Variants in CALN1 observed in about 807,000 individuals in gnomAD.
CALN1 encodes the protein calneuron 1, also known as calcium-binding protein 8.
CALN1 carries 17 observed loss-of-function variants against 30.6 expected under a neutral mutation model. That is an observed-to-expected ratio of 0.56 (90% confidence interval 0.38 to 0.83). The LOEUF is 0.83. Ranked by LOEUF, CALN1 falls within the 40% of genes least tolerant of loss-of-function variation. CALN1 has a pLI of 0.00. For missense variants in CALN1, 291 were observed against 354.9 expected, an observed-to-expected ratio of 0.82 and a Z score of 1.45; for synonymous variants, 156 against 131.4, an observed-to-expected ratio of 1.19 and a Z score of -1.28.
chr7:72,126,430 A>T (rs1808769857), intron 3 of CALN1, among the ~76,000 whole-genome samples: 1 of 81,732 alleles, frequency 1.2e-5, no homozygotes, highest in African/African-American at 3.7e-5. Context: ...GTTGGCTGCT[A>T]TAAACATGTG....
intron 5 of CALN1, among the ~76,000 whole-genome samples, chr7:71,976,870 C>A (rs1584658998): frequency 6.6e-6 from 1 of 152,182 alleles, no homozygotes; most frequent in Admixed American, 6.5e-5. Flanking sequence ...CTGTTTCAGA[C>A]TAACTCCCCC....
intron 3 of CALN1, among the ~76,000 whole-genome samples, chr7:72,208,505 T>C (rs1032295765): frequency 1.3e-5 from 2 of 152,210 alleles, no homozygotes; most frequent in East Asian, 3.8e-4. Flanking sequence ...GAAAACCACA[T>C]GGATATGCCT....
At position 72,135,960 on chromosome 7, in the gene CALN1, C is replaced by G. The variant is rs1809481079; in HGVS notation, c.245-29666G>C. Among the ~76,000 whole-genome samples the G allele has an allele frequency of 3.3e-5, 5 of 151,852 alleles. No homozygotes were observed. In the South Asian group the frequency reaches 1.0e-3, roughly 32 times the overall value. ...CCAGCCTGGTCAACATAGTAAAACC[C>G]CATCTCTACTAAAACTACAAAAATA... On this transcript the variant is annotated intron_variant, in intron 3 of 6. Transcript: ENST00000395275.
intron 3 of CALN1, among the ~76,000 whole-genome samples, chr7:72,110,989 C>G (rs1283884124): frequency 6.6e-6 from 1 of 152,140 alleles, no homozygotes; most frequent in East Asian, 1.9e-4. Context: ...GACCACAGAT[C>G]AAGTTTTCAA....
chr7:72,023,587 A>G, intron 5 of CALN1, 70 bp downstream of exon 5: 1 of 1,147,432 alleles, frequency 8.7e-7, no homozygotes. Flanking sequence ...AAGTTCAAGA[A>G]TTCAGTCAAA....
intron 5 of CALN1, among the ~76,000 whole-genome samples, chr7:71,973,939 C>T (rs1797974992): frequency 6.6e-6 from 1 of 152,058 alleles, no homozygotes. Context: ...TTTCAATTAC[C>T]TTCGATATAC....
chr7:72,032,160 G>A (rs844678), intron 4 of CALN1, among the ~76,000 whole-genome samples: 42,249 of 147,754 alleles, frequency 0.29, 9,299 homozygotes, highest in African/African-American at 0.62. Flanking sequence ...CTGGGTTCAC[G>A]CCATTCTCCT....
At chr7:72,076,611 C>CA (rs572245834) in intron 4 of CALN1, among the ~76,000 whole-genome samples, 9 of 6,126 alleles carry the variant, frequency 1.5e-3, no homozygotes, top group Non-Finnish European at 1.6e-3. Flanking sequence ...AAAAAAAAAG[C>CA]AAAAAAAAAA....
chr7:72,363,495 G>T (rs988652105), intron 2 of CALN1, among the ~76,000 whole-genome samples: 2 of 151,580 alleles, frequency 1.3e-5, no homozygotes, highest in African/African-American at 4.8e-5. Context: ...TGCCTTGGCT[G>T]CCCATAGTGT....
At chr7:72,220,415 G>A (rs201721628) in intron 3 of CALN1, among the ~76,000 whole-genome samples, 1 of 151,786 alleles carries the variant, frequency 6.6e-6, no homozygotes, top group Non-Finnish European at 1.5e-5. Flanking sequence ...GTGTATATGT[G>A]CCACATTTTC....
rs578012324 is a variant in CALN1 at position 72,086,015 on chromosome 7, A to T, written c.388+20136T>A. Among the ~76,000 whole-genome samples, 4 of 152,206 alleles carry T rather than the reference A, an allele frequency of 2.6e-5. No individual in the cohort carries two copies. The East Asian group carries it at 7.7e-4, about 29-fold the overall frequency. On this transcript the variant is annotated intron_variant, in intron 4 of 6. Coordinates refer to ENST00000395275, the MANE Select transcript of CALN1 (RefSeq NM_031468.4). ...AAAGTCAGGTTACGAAAAAAGAGAT[A>T]AAAAAATATATAAAGTTAGAGATCT...
chr7:72,373,473 G>C (rs1804369557), intron 2 of CALN1, among the ~76,000 whole-genome samples: 1 of 152,108 alleles, frequency 6.6e-6, no homozygotes, highest in African/African-American at 2.4e-5. Context: ...CATACTTTCA[G>C]TACCCATACA....
chr7:71,886,692 G>T (rs2116854014), intron 5 of CALN1, among the ~76,000 whole-genome samples: 1 of 150,176 alleles, frequency 6.7e-6, no homozygotes, highest in Admixed American at 6.7e-5. Context: ...AGAATCACTT[G>T]AATCTGGGAG....
chr7:71,951,621 C>A (rs1328413099), intron 5 of CALN1, among the ~76,000 whole-genome samples: 1 of 152,122 alleles, frequency 6.6e-6, no homozygotes, highest in Non-Finnish European at 1.5e-5. Context: ...AAAACAACAA[C>A]AACAACAAAA....
intron 5 of CALN1, among the ~76,000 whole-genome samples, chr7:71,914,641 T>A (rs1026172768): frequency 6.6e-6 from 1 of 152,196 alleles, no homozygotes; most frequent in Non-Finnish European, 1.5e-5. Flanking sequence ...CCCACAATGA[T>A]TGAACTAATT....
chr7:72,113,924 G>A (rs1466938750), intron 3 of CALN1, among the ~76,000 whole-genome samples: 3 of 152,102 alleles, frequency 2.0e-5, no homozygotes, highest in Admixed American at 2.0e-4. Flanking sequence ...GAGATAAGAG[G>A]CTGTCACAGA....
chr7:72,355,171 G>C (rs1803154933), intron 2 of CALN1, among the ~76,000 whole-genome samples: 1 of 152,146 alleles, frequency 6.6e-6, no homozygotes. Context: ...GTCTCCCAAA[G>C]TGCTGCGATT....
intron 2 of CALN1, among the ~76,000 whole-genome samples, chr7:72,375,311 C>G (rs1234380495): frequency 6.6e-6 from 1 of 152,044 alleles, no homozygotes; most frequent in Non-Finnish European, 1.5e-5. Flanking sequence ...ACCTGTAATT[C>G]CAGCACTTTG....
intron 5 of CALN1, among the ~76,000 whole-genome samples, chr7:71,973,477 G>A (rs952703665): frequency 6.6e-6 from 1 of 151,948 alleles, no homozygotes; most frequent in Non-Finnish European, 1.5e-5. Context: ...TGCCCAGCCT[G>A]AATTCTGGTT....
Sources: gnomAD v4.1 joint callset for allele counts (sites outside exome capture counted in the v4.1 genomes callset) on GRCh38, gnomAD v4.1.1 for gene constraint, MANE v1.5 for transcripts, NCBI Gene and HGNC (gene_info 2026-07-23, HGNC 2026-07-21) for gene names.